The following PLCH1 variants were observed in gnomAD, a reference collection of about 807,000 sequenced individuals.
PLCH1 encodes the protein 1-phosphatidylinositol 4,5-bisphosphate phosphodiesterase eta-1.
A neutral mutation model predicts 126.7 loss-of-function variants in PLCH1; 60 were observed. The observed-to-expected ratio is 0.47, with a 90% CI of 0.38 to 0.59. The LOEUF (loss-of-function observed/expected upper bound fraction) is 0.59, where lower values mean the gene tolerates loss of function less well. Ranked by LOEUF, PLCH1 falls within the 20% of genes least tolerant of loss-of-function variation. PLCH1 has a pLI of 0.00. For missense variants in PLCH1, 1,723 were observed against 2,040.0 expected, an observed-to-expected ratio of 0.84 and a Z score of 2.99; for synonymous variants, 719 against 734.9, an observed-to-expected ratio of 0.98 and a Z score of 0.35.
chr3:155,633,751 T>C (rs1205351357), intron 2 of PLCH1, among the ~76,000 whole-genome samples: 1 of 151,970 alleles, frequency 6.6e-6, no homozygotes, highest in African/African-American at 2.4e-5. Flanking sequence ...GCCAACCCCA[T>C]CTCTACTAAA....
At chr3:155,594,239 C>A in intron 3 of PLCH1, 55 bp from the exon 4 acceptor site, 1 of 1,520,490 alleles carries the variant, frequency 6.6e-7, no homozygotes, top group Non-Finnish European at 9.0e-7. Flanking sequence ...TACTTCTTTA[C>A]ATGCACTAAG....
In PLCH1 at chr3:155,504,588, T is replaced by G; in HGVS notation, c.1671A>C (p.Gly557=). The G allele has an allele frequency of 6.2e-7, 1 of 1,608,012 alleles. No individual in the cohort carries two copies. The highest frequency in any genetic ancestry group is 8.5e-7 in the Non-Finnish European group (1 of 1,174,410). The change falls in exon 13 of 23, where the codon GGA becomes GGC. Residue 557 remains glycine (G), a synonymous_variant. Transcript: ENST00000460012. ...TTCCAAAGTTGGTCATGAGGGATCGTCCATGTGATTTCTTTCCACTTTCCT... is the reference window on the plus strand; with the variant it reads ...TTCCAAAGTTGGTCATGAGGGATCGGCCATGTGATTTCTTTCCACTTTCCT... ...DVKESGKKSH[G]RSLMTNFGKH... is the part of the protein sequence containing the mutation.
chr3:155,551,315 C>T (rs781040820), intron 9 of PLCH1, among the ~76,000 whole-genome samples: 26 of 151,646 alleles, frequency 1.7e-4, no homozygotes, highest in Admixed American at 1.3e-3. Context: ...CATTGTGGCA[C>T]GTGCCGGTAA....
chr3:155,670,042 G>A (rs1210945717), intron 2 of PLCH1, among the ~76,000 whole-genome samples: 1 of 152,150 alleles, frequency 6.6e-6, no homozygotes. Flanking sequence ...TCCAAGGAGT[G>A]GGAAAGGCAA....
intron 2 of PLCH1, among the ~76,000 whole-genome samples, chr3:155,634,455 G>A (rs1001807062): frequency 2.6e-5 from 4 of 152,218 alleles, no homozygotes; most frequent in Admixed American, 2.0e-4. Flanking sequence ...ACTGTGGTGA[G>A]TGGGACTGAA....
chr3:155,575,196 C>T (rs1729760343), intron 6 of PLCH1, among the ~76,000 whole-genome samples: 1 of 151,880 alleles, frequency 6.6e-6, no homozygotes, highest in South Asian at 2.1e-4. Context: ...CAAAGGAATG[C>T]TTTTATATGA....
At chr3:155,451,164 C>G (rs190112457) in intron 21 of PLCH1, among the ~76,000 whole-genome samples, 123 of 151,882 alleles carry the variant, frequency 8.1e-4, no homozygotes, top group African/African-American at 2.9e-3. Flanking sequence ...TAAGAGAATT[C>G]AAATTAATAA....
intron 2 of PLCH1, among the ~76,000 whole-genome samples, chr3:155,681,048 A>G (rs764651222): frequency 1.1e-4 from 17 of 152,202 alleles, no homozygotes; most frequent in Non-Finnish European, 2.1e-4. Context: ...TATAGAATAA[A>G]TCCTATAAAA....
intron 2 of PLCH1, among the ~76,000 whole-genome samples, chr3:155,650,426 T>C (rs939085478): frequency 7.2e-5 from 11 of 152,200 alleles, no homozygotes; most frequent in Non-Finnish European, 8.8e-5. Context: ...AGATCATTAC[T>C]GGCAGATCTA....
intron 2 of PLCH1, among the ~76,000 whole-genome samples, chr3:155,686,634 C>T (rs1388779120): frequency 6.6e-6 from 1 of 152,188 alleles, no homozygotes. Flanking sequence ...ATCACTGAAC[C>T]TTTCCCAGCC....
intron 2 of PLCH1, among the ~76,000 whole-genome samples, chr3:155,627,106 C>T (rs1158067080): frequency 1.3e-5 from 2 of 152,040 alleles, no homozygotes; most frequent in Non-Finnish European, 2.9e-5. Context: ...GTTAAAAAGC[C>T]ATTGTGGATG....
chr3:155,607,100 C>G (rs1404944809), intron 2 of PLCH1, among the ~76,000 whole-genome samples: 2 of 152,166 alleles, frequency 1.3e-5, no homozygotes, highest in East Asian at 3.9e-4. Flanking sequence ...TGTAAATCCT[C>G]TATCTTGTTT....
intron 6 of PLCH1, among the ~76,000 whole-genome samples, chr3:155,573,875 AC>A (rs752504023): frequency 6.6e-6 from 1 of 152,026 alleles, no homozygotes; most frequent in Non-Finnish European, 1.5e-5. Flanking sequence ...TCCATATAGT[AC>A]CCACACTCAG....
At chr3:155,695,077 T>C (rs1277665323) in intron 2 of PLCH1, among the ~76,000 whole-genome samples, 2 of 151,918 alleles carry the variant, frequency 1.3e-5, no homozygotes, top group Non-Finnish European at 2.9e-5. Context: ...TTTAATAGTA[T>C]GCAAACAACT....
intron 2 of PLCH1, among the ~76,000 whole-genome samples, chr3:155,597,420 C>A (rs1393563231): frequency 1.3e-5 from 2 of 152,108 alleles, no homozygotes; most frequent in African/African-American, 4.8e-5. Context: ...TTATCCAGTA[C>A]CCTTCCAAAT....
intron 21 of PLCH1, among the ~76,000 whole-genome samples, chr3:155,471,465 C>T (rs1350318404): frequency 6.8e-6 from 1 of 147,098 alleles, no homozygotes; most frequent in Admixed American, 6.8e-5. Context: ...TAGACTCCCA[C>T]ACATTAATAA....
At position 155,494,529 on chromosome 3, in the gene PLCH1, T is replaced by G; in HGVS notation, c.1895-12A>C. On this transcript the variant is annotated splice_polypyrimidine_tract_variant and intron_variant, in intron 15 of 22. Coordinates refer to ENST00000460012, the MANE Select transcript of PLCH1 (RefSeq NM_014996.4). ...ATTTCCTGTGGTTCCTGGCAGTTTT[T>G]AATCGAGAAAAAAGGAAGTGAGAAC... is the stretch of plus-strand genomic sequence containing the variant. The G allele has an allele frequency of 1.3e-6, 2 of 1,498,420 alleles. No homozygotes were observed. The highest frequency in any genetic ancestry group is 1.8e-6 in the Non-Finnish European group (2 of 1,133,156). 92.8% of individuals were successfully genotyped at this position (1,498,420 alleles called of 1,614,324 possible).
rs529353910 is a variant in PLCH1, at chr3:155,520,884, T to C, written c.1470+3013A>G. Among the ~76,000 whole-genome samples, 37 of 152,298 alleles carry C rather than the reference T, an allele frequency of 2.4e-4. 1 individual carries two copies. In the South Asian group the frequency reaches 7.3e-3, roughly 30 times the overall value. On this transcript the variant is annotated intron_variant, in intron 11 of 22. Coordinates refer to ENST00000460012, the MANE Select transcript of PLCH1 (RefSeq NM_014996.4). ...TTCAACAACAGAAGCATTTATTACA[T>C]AAGAAAAAAACTTAACAGTATGGCT...
chr3:155,490,799 C>T lies in PLCH1; in HGVS notation c.2377G>A (p.Val793Met). 1 of 1,578,104 alleles carries T rather than the reference C, an allele frequency of 6.3e-7. No homozygotes were observed. The highest frequency in any genetic ancestry group is 8.7e-7 in the Non-Finnish European group (1 of 1,147,782). Residue 793 changes from valine (V) to methionine (M), a missense_variant, in exon 19 of 23, where the codon GTG becomes ATG. Coordinates refer to ENST00000460012, the MANE Select transcript of PLCH1 (RefSeq NM_014996.4). ...ACCATCTTACCATTGTCATCTACCA[C>T]ACGGGTTTGATCTTTACAACAATCT... The part of the protein sequence containing the change: ...PVDCCKDQTR[V>M]VDDNGFNPVW...
Sources: allele counts gnomAD v4.1 joint callset (sites outside exome capture counted in the v4.1 genomes callset), GRCh38; gene constraint gnomAD v4.1.1; transcripts MANE v1.5; gene names NCBI Gene and HGNC (gene_info 2026-07-23, HGNC 2026-07-21).